Variants in OC90 observed in about 807,000 individuals in gnomAD.
OC90 encodes otoconin-90.
In OC90, 46 loss-of-function variants were observed where a neutral mutation model predicts 47.3. The ratio of observed to expected loss-of-function variants is 0.97; its 90% CI spans 0.77 to 1.24. OC90 has a LOEUF of 1.24. Among genes scored for constraint, OC90 ranks in the 50% most tolerant of loss-of-function variants. OC90 has a pLI of 0.00. For missense variants in OC90, 688 were observed against 583.9 expected, an observed-to-expected ratio of 1.18 and a Z score of -1.84; for synonymous variants, 271 against 219.5, an observed-to-expected ratio of 1.23 and a Z score of -2.07.
In OC90 at chr8:132,041,598, G is replaced by A; in HGVS notation, c.271C>T (p.Pro91Ser). ...CAACCATAGTCTTCAAAGTCTCGGG[G>A]GCAGAGACCAGCCACACACTTCATA... ...NGMKCVAGLC[P>S]RDFEDYGCTC... The change falls in exon 5 of 14, where the codon CCC (proline) becomes TCC (serine). Residue 91 changes from proline to serine, a missense_variant. Physicochemically the swap from Pro to Ser is moderately conservative, Grantham distance 74 (BLOSUM62 -1). Coordinates refer to ENST00000254627, the MANE Select transcript of OC90 (RefSeq NM_001080399.3). 6.2e-7 allele frequency: 1 copy of A among 1,613,272 alleles called. No homozygotes were observed. Among genetic ancestry groups the A allele is most frequent in the South Asian group, 1.1e-5 (1 of 91,016 alleles).
chr8:132,051,697 C>T (rs1427636986), intron 2 of OC90, among the ~76,000 whole-genome samples: 3 of 152,106 alleles, frequency 2.0e-5, no homozygotes, highest in South Asian at 4.1e-4. Context: ...AAATGGGGTC[C>T]AACTTAAGAC....
In OC90 at chr8:132,039,649, C is replaced by T. The variant is rs571316003; in HGVS notation, c.458-526G>A. On this transcript the variant is annotated intron_variant, in intron 6 of 13. Coordinates refer to ENST00000254627, the MANE Select transcript of OC90 (RefSeq NM_001080399.3). ...CCCTGACCCACGACCCCTATTCCTT[C>T]TCAGGCCACATCCTCTTCCACTCCC... 2.4e-4 allele frequency among the ~76,000 whole-genome samples: 37 copies of T among 152,262 alleles called. No individual in the cohort carries two copies. In the South Asian group the frequency reaches 7.1e-3, roughly 29 times the overall value.
At chr8:132,030,421 A>G (rs1822857653) in intron 12 of OC90, among the ~76,000 whole-genome samples, 1 of 152,192 alleles carries the variant, frequency 6.6e-6, no homozygotes, top group South Asian at 2.1e-4. Context: ...TACCTGCCCA[A>G]CTGGTCAAAT....
intron 10 of OC90, among the ~76,000 whole-genome samples, 155 bp from the exon 11 acceptor site, chr8:132,033,319 A>T (rs1326443226): frequency 6.6e-6 from 1 of 152,202 alleles, no homozygotes; most frequent in Non-Finnish European, 1.5e-5. Context: ...GCAGAGTCTT[A>T]AGAATTCTAC....
chr8:132,048,531 A>G (rs1823167737), intron 2 of OC90, among the ~76,000 whole-genome samples: 1 of 151,292 alleles, frequency 6.6e-6, no homozygotes, highest in Non-Finnish European at 1.5e-5. Context: ...ATTTTTCCTG[A>G]CTGAAAAACC....
intron 2 of OC90, among the ~76,000 whole-genome samples, chr8:132,052,799 T>C (rs2130864679): frequency 6.6e-6 from 1 of 152,344 alleles, no homozygotes; most frequent in Middle Eastern, 3.4e-3. Flanking sequence ...CACTGCACTT[T>C]GCAGGCATCA....
chr8:132,037,617 A>AGAAGAGCT, intron 8 of OC90, 129 bp from the exon 9 acceptor site: 1 of 759,822 alleles, frequency 1.3e-6, no homozygotes, highest in East Asian at 2.7e-5. Context: ...GGGCTTACTA[A>AGAAGAGCT]GAAGAGCTGT....
rs1203745485 is a variant in OC90 at position 132,024,390 on chromosome 8, G to C, written c.*91C>G. 4 of 1,053,366 alleles carry C rather than the reference G, an allele frequency of 3.8e-6. No individual in the cohort carries two copies. The highest frequency in any genetic ancestry group is 1.6e-5 in the African/African-American group (1 of 62,586). The allele number at this position is 1,053,366 out of a possible 1,614,324, so 65.3% of individuals were successfully genotyped here. ...CTCTGAGTTAAAGGAAGGGAAGAAG[G>C]CTCCAAGGGACAGAGGAGGCTGAGA... On this transcript the variant is annotated 3_prime_UTR_variant, in exon 14 of 14. Coordinates refer to ENST00000254627, the MANE Select transcript of OC90 (RefSeq NM_001080399.3).
intron 1 of OC90, among the ~76,000 whole-genome samples, chr8:132,057,961 G>GC (rs1823297162): frequency 6.6e-6 from 1 of 152,236 alleles, no homozygotes; most frequent in African/African-American, 2.4e-5. Flanking sequence ...AAACTGCTAG[G>GC]CCGGTCCTTT....
At chr8:132,046,452 G>A (rs1823134642) in intron 2 of OC90, among the ~76,000 whole-genome samples, 1 of 152,116 alleles carries the variant, frequency 6.6e-6, no homozygotes, top group Non-Finnish European at 1.5e-5. Flanking sequence ...TGATGGTCTC[G>A]AAACCTCGCC....
chr8:132,050,265 T>C (rs142648026), intron 2 of OC90, among the ~76,000 whole-genome samples: 66 of 152,214 alleles, frequency 4.3e-4, no homozygotes, highest in Non-Finnish European at 7.2e-4. Context: ...ATCAATGATG[T>C]GGACCCTGAA....
chr8:132,047,874 T>A (rs1284247474), intron 2 of OC90, among the ~76,000 whole-genome samples: 1 of 152,214 alleles, frequency 6.6e-6, no homozygotes, highest in Non-Finnish European at 1.5e-5. Flanking sequence ...AAAATTTATA[T>A]CTTCGTACTT....
rs747947505 is a variant in OC90, at chr8:132,029,031, C to T, written c.1138+42G>A. On this transcript the variant is annotated intron_variant, in intron 13 of 13. Transcript: ENST00000254627. Reference sequence around the variant, plus strand: ...TCTGAGCTACAGTCACGATGCTGACCTCAATGAAATAATAACTCAATGTGC... The same window carrying T: ...TCTGAGCTACAGTCACGATGCTGACTTCAATGAAATAATAACTCAATGTGC... 11 of 1,376,244 alleles carry T rather than the reference C, an allele frequency of 8.0e-6. No individual in the cohort carries two copies. In the Admixed American group the frequency reaches 1.5e-4, roughly 19 times the overall value. 85.3% of individuals were successfully genotyped at this position (1,376,244 alleles called of 1,614,324 possible).
chr8:132,055,083 A>G lies in OC90; in HGVS notation c.-47-10T>C. 2.1e-6 allele frequency: 3 copies of G among 1,396,148 alleles called. No individual in the cohort carries two copies. Among genetic ancestry groups the G allele is most frequent in the East Asian group, 2.5e-5 (1 of 40,118 alleles). 86.5% of individuals were successfully genotyped at this position (1,396,148 alleles called of 1,614,324 possible). The stretch of plus-strand genomic sequence containing the variant: ...CAACTGGAACGGACTCCTGGGAGAG[A>G]AGCCAGCAGAATAGGATGGAAGCAT... On this transcript the variant is annotated splice_polypyrimidine_tract_variant and intron_variant, in intron 1 of 13. Coordinates refer to ENST00000254627, the MANE Select transcript of OC90 (RefSeq NM_001080399.3).
chr8:132,025,094 G>A (rs1450650570), intron 13 of OC90, among the ~76,000 whole-genome samples: 1 of 152,174 alleles, frequency 6.6e-6, no homozygotes, highest in East Asian at 1.9e-4. Context: ...CCCACTTCGT[G>A]TTTTTTTCTA....
At position 132,043,273 on chromosome 8, in the gene OC90, T is replaced by C. The variant is rs901254322; in HGVS notation, c.169+1160A>G. Among the ~76,000 whole-genome samples, 4 of 152,236 alleles carry C rather than the reference T, an allele frequency of 2.6e-5. No homozygotes were observed. In the South Asian group the frequency reaches 6.2e-4, roughly 24 times the overall value. ...GTGTAATGCATTGGAAAGCATTTGT[T>C]TTGTCTGTTGTCCCATAGGCCTCCT... On this transcript the variant is annotated intron_variant, in intron 4 of 13. Coordinates refer to ENST00000254627, the MANE Select transcript of OC90 (RefSeq NM_001080399.3).
intron 1 of OC90, among the ~76,000 whole-genome samples, chr8:132,058,205 T>A (rs899606047): frequency 2.0e-4 from 30 of 152,286 alleles, no homozygotes; most frequent in African/African-American, 6.7e-4. Flanking sequence ...GAATCTGGGG[T>A]ACGTGCACAT....
At chr8:132,051,679 CAT>C (rs1296032983) in intron 2 of OC90, among the ~76,000 whole-genome samples, 40 of 152,278 alleles carry the variant, frequency 2.6e-4, no homozygotes, top group African/African-American at 9.4e-4. Context: ...CTGGCGGTAA[CAT>C]GTGGGAAATG....
rs762671606 is a variant in OC90 at position 132,024,675 on chromosome 8, T to C, written c.1240A>G (p.Ser414Gly). The change falls in exon 14 of 14, where the codon AGC becomes GGC. Residue 414 changes from serine to glycine, a missense_variant. Transcript: ENST00000254627. ...GGCTGCCCAGGGCACCCGAGTCTGCTTGGGGACTTGAGGCTTTGGTTAAAG... is the reference window on the plus strand; with the variant it reads ...GGCTGCCCAGGGCACCCGAGTCTGCCTGGGGACTTGAGGCTTTGGTTAAAG... ...ASFNQSLKSPSRLGCPGQPAA... is the reference protein window; with the variant it reads ...ASFNQSLKSPGRLGCPGQPAA... 32 of 1,613,506 alleles carry C rather than the reference T, an allele frequency of 2.0e-5. No individual in the cohort carries two copies. Among genetic ancestry groups the C allele is most frequent in the Non-Finnish European group, 2.3e-5 (27 of 1,179,792 alleles).
Sources: gnomAD v4.1 joint callset for allele counts (sites outside exome capture counted in the v4.1 genomes callset) on GRCh38, gnomAD v4.1.1 for gene constraint, MANE v1.5 for transcripts, NCBI Gene and HGNC (gene_info 2026-07-23, HGNC 2026-07-21) for gene names.